The following CEP162 variants were observed in gnomAD, a reference collection of about 807,000 sequenced individuals.
CEP162 encodes centrosomal protein 162.
A neutral mutation model predicts 169.2 loss-of-function variants in CEP162; 141 were observed. That is an observed-to-expected ratio of 0.83 (90% CI 0.73 to 0.96). The LOEUF (loss-of-function observed/expected upper bound fraction) is 0.96. CEP162 is among the 40% of genes least tolerant of loss of function. The pLI, the probability that CEP162 is intolerant of heterozygous loss-of-function variation, is 0.00. For synonymous variants in CEP162, 540 were observed against 526.4 expected (o/e 1.03, Z -0.35); for missense variants, 1,600 against 1,587.2 (o/e 1.01, Z -0.14).
chr6:84,190,255 C>T lies in CEP162; in HGVS notation c.1109+3354G>A, dbSNP rs545972132. ...CTGTATCTAACTAATCTGATGGGGA[C>T]GTGGAGAACCTTTGTATCTAGCTCA... On this transcript the variant is annotated intron_variant, in intron 11 of 26. Transcript: ENST00000403245. Among the ~76,000 whole-genome samples, 36 of 151,990 alleles carry T rather than the reference C, an allele frequency of 2.4e-4. 1 individual carries two copies. The highest frequency in any genetic ancestry group is 8.0e-4 in the African/African-American group (33 of 41,498).
chr6:84,131,231 GA>G (rs770453050), intron 25 of CEP162, among the ~76,000 whole-genome samples: 3 of 152,258 alleles, frequency 2.0e-5, no homozygotes, highest in Non-Finnish European at 4.4e-5. Context: ...TGTTTGTTAT[GA>G]TTTCCATTCT....
At chr6:84,221,833 G>A (rs1007396514) in intron 2 of CEP162, among the ~76,000 whole-genome samples, 17 of 151,744 alleles carry the variant, frequency 1.1e-4, no homozygotes, top group Non-Finnish European at 1.5e-4. Context: ...CACTTCTTTC[G>A]TCTCTCAGAC....
chr6:84,130,144 T>C (rs2099510695), intron 25 of CEP162, among the ~76,000 whole-genome samples: 2 of 152,214 alleles, frequency 1.3e-5, no homozygotes, highest in Admixed American at 6.5e-5. Context: ...CTTGGTTTTA[T>C]GTGATGGATT....
chr6:84,138,856 C>T (rs996717124), intron 25 of CEP162, among the ~76,000 whole-genome samples: 37 of 152,148 alleles, frequency 2.4e-4, no homozygotes, highest in African/African-American at 8.7e-4. Flanking sequence ...GTTTTATGTA[C>T]ATCTTAAACA....
In CEP162 at chr6:84,194,996, A is replaced by G. The variant is rs746209159; in HGVS notation, c.915T>C (p.Asp305=). The G allele has an allele frequency of 1.2e-6, 2 of 1,613,050 alleles. No individual in the cohort carries two copies. Among genetic ancestry groups the G allele is most frequent in the Non-Finnish European group, 1.7e-6 (2 of 1,179,390 alleles). Residue 305 remains aspartate (D), a synonymous_variant, in exon 10 of 27, where the codon GAT becomes GAC. Transcript: ENST00000403245. ...TACTCTCAATTTTTTGTTTGTCTTC[A>G]TCTCCCAATGAATGGGCTATATGAC... ...AYCHIAHSLG[D]EDKQKIESNT...
chr6:84,220,095 C>G (rs186935642), intron 3 of CEP162, among the ~76,000 whole-genome samples: 1 of 151,968 alleles, frequency 6.6e-6, no homozygotes, highest in South Asian at 2.1e-4. Flanking sequence ...CTACAGTACA[C>G]GAGAAGGCAG....
intron 25 of CEP162, among the ~76,000 whole-genome samples, chr6:84,146,046 C>CAG (rs2099518727): frequency 6.6e-6 from 1 of 152,100 alleles, no homozygotes; most frequent in Non-Finnish European, 1.5e-5. Flanking sequence ...GACCTATTCT[C>CAG]AGCACTAAGA....
intron 3 of CEP162, among the ~76,000 whole-genome samples, chr6:84,220,633 T>C (rs746427520): frequency 2.1e-4 from 32 of 152,144 alleles, no homozygotes; most frequent in Non-Finnish European, 8.8e-5. Flanking sequence ...GAGAGACATA[T>C]ATACATATGG....
intron 25 of CEP162, among the ~76,000 whole-genome samples, chr6:84,133,135 CTGTT>C (rs1018229342): frequency 7.3e-4 from 111 of 152,284 alleles, no homozygotes; most frequent in African/African-American, 2.6e-3. Flanking sequence ...ACTCCAGACA[CTGTT>C]TGCCTGGGTA....
At chr6:84,145,892 T>C (rs528976123) in intron 25 of CEP162, among the ~76,000 whole-genome samples, 2 of 152,224 alleles carry the variant, frequency 1.3e-5, no homozygotes, top group East Asian at 3.9e-4. Flanking sequence ...GAAATTAGTA[T>C]ACAGACTACT....
intron 13 of CEP162, among the ~76,000 whole-genome samples, chr6:84,184,368 A>G (rs922264516): frequency 6.6e-6 from 1 of 152,112 alleles, no homozygotes; most frequent in South Asian, 2.1e-4. Flanking sequence ...AGCATGGTCT[A>G]TAATTTGAAG....
At position 84,126,488 on chromosome 6, in the gene CEP162, T is replaced by C. The variant is rs868546177; in HGVS notation, c.3895A>G (p.Arg1299Gly). The C allele has an allele frequency of 1.9e-6, 3 of 1,554,664 alleles. No individual in the cohort carries two copies. Among genetic ancestry groups the C allele is most frequent in the East Asian group, 4.7e-5 (2 of 42,580 alleles). The change falls in exon 26 of 27, where the codon AGA becomes GGA. Residue 1299 changes from arginine (R) to glycine (G), a missense_variant. Physicochemically the swap from Arg to Gly is moderately radical, Grantham distance 125. Coordinates refer to ENST00000403245, the MANE Select transcript of CEP162 (RefSeq NM_014895.4). Reference sequence around the variant, plus strand: ...GGTGTATGGTTTTCTTTGGCTTCTCTCAATTCTTCTAAGAGTTTTGTAATC... The same window carrying C: ...GGTGTATGGTTTTCTTTGGCTTCTCCCAATTCTTCTAAGAGTTTTGTAATC... ...KEITKLLEELREAKENHTPEM... is the reference protein window; with the variant it reads ...KEITKLLEELGEAKENHTPEM...
At chr6:84,200,570 C>A (rs1029042562) in intron 9 of CEP162, among the ~76,000 whole-genome samples, 1 of 152,154 alleles carries the variant, frequency 6.6e-6, no homozygotes, top group Non-Finnish European at 1.5e-5. Context: ...CATTTATTAA[C>A]AAATATTTAT....
chr6:84,189,689 G>A (rs541320225), intron 11 of CEP162, among the ~76,000 whole-genome samples: 14 of 152,304 alleles, frequency 9.2e-5, no homozygotes, highest in South Asian at 2.1e-4. Context: ...AAGCCTCCCC[G>A]ACGAGCACCA....
At chr6:84,181,615 C>G (rs548720527) in intron 13 of CEP162, among the ~76,000 whole-genome samples, 1 of 152,160 alleles carries the variant, frequency 6.6e-6, no homozygotes, top group African/African-American at 2.4e-5. Flanking sequence ...ACCCACGAAA[C>G]CTTCTTGAAA....
intron 19 of CEP162, among the ~76,000 whole-genome samples, chr6:84,162,410 T>G (rs2099526155): frequency 6.6e-6 from 1 of 152,180 alleles, no homozygotes; most frequent in Non-Finnish European, 1.5e-5. Flanking sequence ...AATGTCATTT[T>G]CTTACAAACA....
chr6:84,187,151 T>C (rs2099537521), intron 11 of CEP162, among the ~76,000 whole-genome samples: 1 of 151,986 alleles, frequency 6.6e-6, no homozygotes, highest in African/African-American at 2.4e-5. Flanking sequence ...AACAGAAAAA[T>C]CACTAGGCTT....
rs192984492 is a variant in CEP162 at position 84,206,411 on chromosome 6, T to C, written c.572-2315A>G. Among the ~76,000 whole-genome samples the C allele has an allele frequency of 2.5e-3, 387 of 152,032 alleles. 2 individuals are homozygous for C. Among genetic ancestry groups the C allele is most frequent in the Non-Finnish European group, 3.1e-3 (212 of 67,980 alleles). ...AACAGAACAGAGCCCTCAGAAATAA[T>C]ACCACACATCTACAACTATCTGATC... On this transcript the variant is annotated intron_variant, in intron 6 of 26. Coordinates refer to ENST00000403245, the MANE Select transcript of CEP162 (RefSeq NM_014895.4).
intron 11 of CEP162, among the ~76,000 whole-genome samples, chr6:84,191,591 C>A (rs562952145): frequency 6.6e-6 from 1 of 152,066 alleles, no homozygotes; most frequent in South Asian, 2.1e-4. Context: ...TAATTATAAC[C>A]CTGTCTTTTT....
Sources: allele counts gnomAD v4.1 joint callset (sites outside exome capture counted in the v4.1 genomes callset), GRCh38; gene constraint gnomAD v4.1.1; transcripts MANE v1.5; gene names NCBI Gene and HGNC (gene_info 2026-07-23, HGNC 2026-07-21).